The following GALNT13 variants were observed in gnomAD, a reference collection of about 807,000 sequenced individuals.
The protein encoded by GALNT13 is UDP-GalNAc:polypeptide N-acetylgalactosaminyltransferase 13.
GALNT13 carries 28 observed loss-of-function variants against 64.2 expected under a neutral mutation model. The observed-to-expected ratio is 0.44, with a 90% CI of 0.32 to 0.60. The LOEUF is 0.60. Among genes scored for constraint, GALNT13 ranks in the 20% least tolerant of loss-of-function variants. GALNT13 has a pLI of 0.05. For missense variants in GALNT13, 577 were observed against 669.8 expected (o/e 0.86, Z 1.53); for synonymous variants, 214 against 224.6 (o/e 0.95, Z 0.42).
the GALNT13 span, among the ~76,000 whole-genome samples, chr2:153,219,657 G>A: frequency 6.6e-6 from 1 of 152,178 alleles, no homozygotes; most frequent in Non-Finnish European, 1.5e-5. Context: ...ATCTACTATA[G>A]GTAAGATGCA....
chr2:154,210,787 A>G (rs1687715280), intron 4 of GALNT13, among the ~76,000 whole-genome samples: 1 of 152,168 alleles, frequency 6.6e-6, no homozygotes, highest in Non-Finnish European at 1.5e-5. Context: ...TCTAGTTCTG[A>G]TAAGAGAATT....
the GALNT13 span, among the ~76,000 whole-genome samples, chr2:153,662,484 G>T: frequency 3.7e-4 from 56 of 152,234 alleles, no homozygotes; most frequent in Non-Finnish European, 7.4e-4. Flanking sequence ...TACTGCTCAG[G>T]CTTCTCTGGC....
chr2:153,437,596 CTT>C, the GALNT13 span, among the ~76,000 whole-genome samples: 3 of 152,100 alleles, frequency 2.0e-5, no homozygotes, highest in African/African-American at 2.4e-5. Context: ...TTCTTTGTCT[CTT>C]TTGATCTTTG....
rs776158470 is a variant in GALNT13, at chr2:154,333,106, A to G, written c.1156+31517A>G. On this transcript the variant is annotated intron_variant, in intron 9 of 12. Coordinates refer to ENST00000392825, the MANE Select transcript of GALNT13 (RefSeq NM_052917.4). ...AGCCTACCTTCCCCCCAATTAAGGA[A>G]TGATTTCTAGGAGCCCCATCTTTTT... 4.7e-4 allele frequency among the ~76,000 whole-genome samples: 72 copies of G among 152,010 alleles called. 1 individual carries two copies. Among genetic ancestry groups the G allele is most frequent in the Non-Finnish European group, 1.5e-4 (10 of 67,962 alleles).
At chr2:154,043,830 C>T (rs1699141122) in intron 3 of GALNT13, among the ~76,000 whole-genome samples, 1 of 152,068 alleles carries the variant, frequency 6.6e-6, no homozygotes, top group African/African-American at 2.4e-5. Context: ...TGGCCAGGTG[C>T]AGTGGCTTAT....
At chr2:154,132,917 A>C (rs2105552950) in intron 3 of GALNT13, among the ~76,000 whole-genome samples, 1 of 150,774 alleles carries the variant, frequency 6.6e-6, no homozygotes, top group South Asian at 2.1e-4. Context: ...AAAATCATGT[A>C]TGCAGGTAAA....
intron 1 of GALNT13, among the ~76,000 whole-genome samples, chr2:153,893,818 C>A (rs939526858): frequency 6.6e-6 from 1 of 151,902 alleles, no homozygotes; most frequent in Non-Finnish European, 1.5e-5. Flanking sequence ...GGATGAAGTA[C>A]TTTGAACGTG....
chr2:153,290,614 T>A, the GALNT13 span, among the ~76,000 whole-genome samples: 1 of 152,212 alleles, frequency 6.6e-6, no homozygotes, highest in Non-Finnish European at 1.5e-5. Context: ...TTTCTACAAC[T>A]TTAAGTGACA....
chr2:154,260,771 C>T (rs965597155), intron 8 of GALNT13, among the ~76,000 whole-genome samples: 3 of 152,216 alleles, frequency 2.0e-5, no homozygotes, highest in African/African-American at 4.8e-5. Context: ...AAATAATTTG[C>T]TTCTATTCTT....
the GALNT13 span, among the ~76,000 whole-genome samples, chr2:153,585,171 C>A: frequency 6.6e-6 from 1 of 152,116 alleles, no homozygotes; most frequent in African/African-American, 2.4e-5. Context: ...ATACAAAGAA[C>A]TCAGAAAATC....
chr2:153,499,517 C>T, the GALNT13 span, among the ~76,000 whole-genome samples: 43 of 152,276 alleles, frequency 2.8e-4, no homozygotes, highest in Admixed American at 7.8e-4. Flanking sequence ...CCCTTTCCAC[C>T]CAGGAGCCTG....
At chr2:154,343,440 C>G (rs1695884713) in intron 9 of GALNT13, among the ~76,000 whole-genome samples, 1 of 151,966 alleles carries the variant, frequency 6.6e-6, no homozygotes, top group South Asian at 2.1e-4. Flanking sequence ...AAACAAGCAA[C>G]TTCATTATGC....
At chr2:154,052,184 A>G (rs1303718660) in intron 3 of GALNT13, among the ~76,000 whole-genome samples, 3 of 152,156 alleles carry the variant, frequency 2.0e-5, no homozygotes, top group Admixed American at 1.3e-4. Flanking sequence ...CTTGTGGCTA[A>G]TATCATCAGT....
chr2:154,184,442 G>GT (rs973496657), intron 4 of GALNT13, among the ~76,000 whole-genome samples: 1 of 151,828 alleles, frequency 6.6e-6, no homozygotes, highest in South Asian at 2.1e-4. Flanking sequence ...TTGCTTTTCT[G>GT]TTTTTTAATT....
chr2:154,056,104 T>C lies in GALNT13; in HGVS notation c.143-84233T>C, dbSNP rs1699880015. On this transcript the variant is annotated intron_variant, in intron 3 of 12. Transcript: ENST00000392825. ...TTTTCATCTGATTTAGTTTTATTGC[T>C]TAGAGCTGTGCAATTTTTATATGCC... 2.6e-5 allele frequency among the ~76,000 whole-genome samples: 4 copies of C among 152,208 alleles called. 1 individual carries two copies. In the East Asian group the frequency reaches 7.7e-4, roughly 29 times the overall value.
the GALNT13 span, among the ~76,000 whole-genome samples, chr2:153,484,152 A>G: frequency 4.6e-5 from 7 of 152,196 alleles, no homozygotes; most frequent in Non-Finnish European, 8.8e-5. Flanking sequence ...TATTACTCTC[A>G]TAGCTCAAAG....
At chr2:154,288,421 G>A (rs1692404297) in intron 8 of GALNT13, among the ~76,000 whole-genome samples, 1 of 152,020 alleles carries the variant, frequency 6.6e-6, no homozygotes, top group Non-Finnish European at 1.5e-5. Flanking sequence ...AACCAATCAT[G>A]CCTTCCCAAC....
the GALNT13 span, among the ~76,000 whole-genome samples, chr2:153,196,021 G>T: frequency 2.0e-5 from 3 of 152,156 alleles, no homozygotes; most frequent in African/African-American, 7.2e-5. Context: ...CATCTGTTTA[G>T]CTCTGGCTGA....
the GALNT13 span, among the ~76,000 whole-genome samples, chr2:153,398,803 A>C: frequency 7.2e-6 from 1 of 139,690 alleles, no homozygotes; most frequent in Non-Finnish European, 1.6e-5. Context: ...GTTGGAGTTC[A>C]TTGTAGATTC....
Sources: allele counts gnomAD v4.1 joint callset (sites outside exome capture counted in the v4.1 genomes callset), GRCh38; gene constraint gnomAD v4.1.1; transcripts MANE v1.5; gene names NCBI Gene and HGNC (gene_info 2026-07-23, HGNC 2026-07-21).